Variants in CNDP1 observed in about 807,000 individuals in gnomAD.
CNDP1 encodes carnosine dipeptidase 1.
CNDP1 carries 44 observed loss-of-function variants against 58.1 expected under a neutral mutation model. That is an observed-to-expected ratio of 0.76 (90% CI 0.60 to 0.97). The LOEUF (loss-of-function observed/expected upper bound fraction) is 0.97. Ranked by LOEUF, CNDP1 falls within the 50% of genes least tolerant of loss-of-function variation. The pLI is 0.00. For synonymous variants in CNDP1, 254 were observed against 252.6 expected (o/e 1.01, Z -0.05); for missense variants, 616 against 655.1 (o/e 0.94, Z 0.65).
In CNDP1 at chr18:74,584,685, T is replaced by A. The variant is rs1599105729; in HGVS notation, c.*123T>A. On this transcript the variant is annotated 3_prime_UTR_variant, in exon 12 of 12. Coordinates refer to ENST00000358821, the MANE Select transcript of CNDP1 (RefSeq NM_032649.6). ...CTAGTATAGTACATTTTCCCTTCCA[T>A]TTAAAATGTCTTGGGATATCTGGAT... The A allele has an allele frequency of 2.7e-6, 2 of 730,254 alleles. No individual in the cohort carries two copies. Among genetic ancestry groups the A allele is most frequent in the Non-Finnish European group, 4.8e-6 (2 of 416,192 alleles). 45.2% of individuals were successfully genotyped at this position (730,254 alleles called of 1,614,324 possible).
intron 6 of CNDP1, 65 bp from the exon 7 acceptor site, chr18:74,571,121 T>G: frequency 1.9e-6 from 2 of 1,063,300 alleles, no homozygotes; most frequent in Non-Finnish European, 2.9e-6. Flanking sequence ...TTTCACCATG[T>G]GAAATGCTTA....
chr18:74,559,237 C>A (rs1275998460), intron 2 of CNDP1, 86 bp from the exon 3 acceptor site: 1 of 1,358,200 alleles, frequency 7.4e-7, no homozygotes. Context: ...TACCTGGGGA[C>A]TCGCTGTCTC....
intron 1 of CNDP1, among the ~76,000 whole-genome samples, chr18:74,541,699 G>A (rs143128738): frequency 9.5e-4 from 145 of 152,280 alleles, no homozygotes; most frequent in Non-Finnish European, 1.7e-3. Flanking sequence ...CAGCCCCTTC[G>A]TCCCAGCCCT....
chr18:74,583,744 T>C (rs1230858330), intron 11 of CNDP1, 36 bp downstream of exon 11: 7 of 1,608,600 alleles, frequency 4.4e-6, no homozygotes, highest in African/African-American at 2.7e-5. Flanking sequence ...CTCTCTCTTC[T>C]TCCTTTACTG....
intron 9 of CNDP1, among the ~76,000 whole-genome samples, chr18:74,579,308 C>T (rs1399089517): frequency 2.7e-5 from 4 of 147,216 alleles, no homozygotes; most frequent in South Asian, 4.5e-4. Flanking sequence ...TTCTCCTCTC[C>T]CCACTCCCTT....
chr18:74,557,942 T>G (rs1981084353), intron 2 of CNDP1, among the ~76,000 whole-genome samples: 1 of 152,192 alleles, frequency 6.6e-6, no homozygotes, highest in Non-Finnish European at 1.5e-5. Context: ...AATCAGTGTG[T>G]GGTGGGGATT....
intron 1 of CNDP1, among the ~76,000 whole-genome samples, chr18:74,551,100 G>A (rs985090592): frequency 6.6e-6 from 1 of 151,926 alleles, no homozygotes; most frequent in East Asian, 1.9e-4. Flanking sequence ...AAAGTGTGTG[G>A]CACCTCCCCG....
rs1412924384 is a variant in CNDP1, at chr18:74,545,708, C to A, written c.25-10630C>A. On this transcript the variant is annotated intron_variant, in intron 1 of 11. Coordinates refer to ENST00000358821, the MANE Select transcript of CNDP1 (RefSeq NM_032649.6). The surrounding 1 kb of genome is among the most constrained non-coding windows in gnomAD (Gnocchi z 4.1). The stretch of plus-strand genomic sequence containing the variant: ...CGGAACATCTTAATTTCACGTGCTG[C>A]CCCCTGAGATTGTACAGTCTCCCCT... Among the ~76,000 whole-genome samples, 1 of 152,176 alleles carries A rather than the reference C, an allele frequency of 6.6e-6. No homozygotes were observed. The highest frequency in any genetic ancestry group is 1.5e-5 in the Non-Finnish European group (1 of 68,034).
Position 74,562,083 on chromosome 18 carries a change from G to T in CNDP1, c.503G>T (p.Gly168Val), listed in dbSNP as rs1197314856. The T allele has an allele frequency of 1.9e-6, 3 of 1,613,986 alleles. No individual in the cohort carries two copies. Among genetic ancestry groups the T allele is most frequent in the Non-Finnish European group, 2.5e-6 (3 of 1,180,006 alleles). ...LYGRGATDNK[G>V]PVLAWINAVS... ...GGACGAGGAGCGACCGACAACAAAG[G>T]CCCTGTCTTGGCTTGGATCAATGCT... The change falls in exon 5 of 12, where the codon GGC (glycine) becomes GTC (valine). Residue 168 changes from glycine to valine, a missense_variant. Coordinates refer to ENST00000358821, the MANE Select transcript of CNDP1 (RefSeq NM_032649.6).
intron 1 of CNDP1, among the ~76,000 whole-genome samples, chr18:74,538,537 C>T (rs1980538718): frequency 1.3e-5 from 2 of 152,146 alleles, no homozygotes; most frequent in South Asian, 4.1e-4. Context: ...ATTTTCATTC[C>T]TCCAGGGTGT....
intron 7 of CNDP1, among the ~76,000 whole-genome samples, chr18:74,571,988 G>A (rs986269717): frequency 1.3e-5 from 2 of 152,180 alleles, no homozygotes; most frequent in Admixed American, 1.3e-4. Context: ...AAAAGGTGAT[G>A]TGTGCAGAAC....
chr18:74,548,615 C>T (rs1195413563), intron 1 of CNDP1, among the ~76,000 whole-genome samples: 2 of 152,152 alleles, frequency 1.3e-5, no homozygotes, highest in Non-Finnish European at 1.5e-5. Context: ...TATAAAGATA[C>T]CTGAAAATGT....
chr18:74,551,356 AC>A (rs1163368807), intron 1 of CNDP1, among the ~76,000 whole-genome samples: 1 of 97,988 alleles, frequency 1.0e-5, no homozygotes, highest in African/African-American at 3.3e-5. Flanking sequence ...GTCAAGCACA[AC>A]TGTAACACAC....
chr18:74,552,061 A>T (rs1244335837), intron 1 of CNDP1, among the ~76,000 whole-genome samples: 1 of 152,206 alleles, frequency 6.6e-6, no homozygotes, highest in African/African-American at 2.4e-5. Context: ...CTCCTGGCTA[A>T]GTCCCACAGA....
At chr18:74,567,107 C>CAATTCAATTCAATTCAATTCAA in intron 5 of CNDP1, 126 bp from the exon 6 acceptor site, 1 of 721,074 alleles carries the variant, frequency 1.4e-6, no homozygotes, top group South Asian at 1.7e-5. Context: ...ATTCAATTAC[C>CAATTCAATTCAATTCAATTCAA]TCCCCCTGGG....
rs1412962501 is a variant in CNDP1, at chr18:74,559,359, G to A, written c.190G>A (p.Val64Ile). 2 of 1,613,946 alleles carry A rather than the reference G, an allele frequency of 1.2e-6. No homozygotes were observed. Among genetic ancestry groups the A allele is most frequent in the African/African-American group, 1.3e-5 (1 of 74,930 alleles). The change falls in exon 3 of 12, where the codon GTC becomes ATC. Residue 64 changes from valine (V) to isoleucine (I), a missense_variant. Physicochemically the swap from Val to Ile is conservative, Grantham distance 29. Coordinates refer to ENST00000358821, the MANE Select transcript of CNDP1 (RefSeq NM_032649.6). ...GTGGGTGGCCATCGAGAGCGACTCT[G>A]TCCAGCCTGTGCCTCGCTTCAGACA... ...KEWVAIESDS[V>I]QPVPRFRQEL...
intron 8 of CNDP1, 191 bp from the exon 9 acceptor site, chr18:74,577,972 A>C: frequency 1.9e-6 from 1 of 531,538 alleles, no homozygotes; most frequent in Non-Finnish European, 3.3e-6. Flanking sequence ...AGTGATGGGT[A>C]GTGAAGGCAT....
chr18:74,559,035 C>T (rs1273279505), intron 2 of CNDP1, among the ~76,000 whole-genome samples: 1 of 152,094 alleles, frequency 6.6e-6, no homozygotes, highest in Non-Finnish European at 1.5e-5. Flanking sequence ...CCTGTACAGC[C>T]CTGGTGAACG....
rs1347354695 is a variant in CNDP1 at position 74,578,169 on chromosome 18, A to C, written c.1009A>C (p.Ile337Leu). ...TAATTTTATTTTAATATAGGAGGAG[A>C]TTCTAATGCACCTCTGGAGGTACCC... ...EKFLFDTKEE[I>L]LMHLWRYPSL... is the part of the protein sequence containing the mutation. Residue 337 changes from isoleucine (I) to leucine (L), a missense_variant, in exon 9 of 12, where the codon ATT (isoleucine) becomes CTT (leucine). Transcript: ENST00000358821. 3 of 1,606,088 alleles carry C rather than the reference A, an allele frequency of 1.9e-6. No individual in the cohort carries two copies. In the Admixed American group the frequency reaches 5.2e-5, roughly 28 times the overall value.
Sources: allele counts gnomAD v4.1 joint callset (sites outside exome capture counted in the v4.1 genomes callset), GRCh38; gene constraint gnomAD v4.1.1; non-coding constraint Gnocchi (gnomAD v3.1); transcripts MANE v1.5; gene names NCBI Gene and HGNC (gene_info 2026-07-23, HGNC 2026-07-21).